The following ABLIM1 variants were observed in gnomAD, a reference collection of about 807,000 sequenced individuals.
ABLIM1 encodes actin-binding LIM protein 1.
Under a neutral mutation model 107.0 loss-of-function variants are expected in ABLIM1, and 40 were observed. That is an observed-to-expected ratio of 0.37 (90% CI 0.29 to 0.49). ABLIM1 has a LOEUF of 0.49. Ranked by LOEUF, ABLIM1 falls within the 20% of genes least tolerant of loss-of-function variation. The pLI, the probability that ABLIM1 is intolerant of heterozygous loss-of-function variation, is 0.97. For synonymous variants in ABLIM1, 357 were observed against 357.3 expected (o/e 1.00, Z 0.01); for missense variants, 857 against 1,008.5 (o/e 0.85, Z 2.04).
intron 21 of ABLIM1, among the ~76,000 whole-genome samples, chr10:114,438,411 C>T (rs1304272101): frequency 1.3e-5 from 2 of 152,122 alleles, no homozygotes; most frequent in Non-Finnish European, 2.9e-5. Flanking sequence ...AGGCACATGT[C>T]GTCATGCCAA....
chr10:114,731,347 G>T (rs1372615151), intron 1 of ABLIM1, among the ~76,000 whole-genome samples: 3 of 151,962 alleles, frequency 2.0e-5, no homozygotes, highest in Non-Finnish European at 4.4e-5. Flanking sequence ...TCACCATGTT[G>T]CCCAGGCTAG....
upstream of ABLIM1, among the ~76,000 whole-genome samples, chr10:114,687,728 C>A (rs1211886539): frequency 6.6e-6 from 1 of 152,114 alleles, no homozygotes; most frequent in Admixed American, 6.5e-5. Context: ...TTCAGAGGGC[C>A]TTGGCCTCAT....
chr10:114,785,778 G>C, the ABLIM1 span, among the ~76,000 whole-genome samples: 1 of 152,200 alleles, frequency 6.6e-6, no homozygotes, highest in Non-Finnish European at 1.5e-5. Flanking sequence ...GCCCAGGCTA[G>C]AGTGCAGTGG....
chr10:114,482,008 T>C (rs1326016056), intron 8 of ABLIM1, among the ~76,000 whole-genome samples: 3 of 152,196 alleles, frequency 2.0e-5, no homozygotes, highest in African/African-American at 7.2e-5. Flanking sequence ...AAGAAAAAAG[T>C]CACACCCATT....
intron 1 of ABLIM1, chr10:114,690,333 G>A (rs2081047576): frequency 2.5e-6 from 4 of 1,602,124 alleles, no homozygotes; most frequent in Non-Finnish European, 3.4e-6. Flanking sequence ...GTTGGGTCCA[G>A]CATTTGCCAT....
intron 1 of ABLIM1, among the ~76,000 whole-genome samples, chr10:114,758,012 C>G (rs1168972863): frequency 6.6e-6 from 1 of 152,110 alleles, no homozygotes. Context: ...AAACTCTTTA[C>G]CAGATATCTT....
chr10:114,710,714 A>G (rs1231191524), intron 1 of ABLIM1, among the ~76,000 whole-genome samples: 1 of 152,134 alleles, frequency 6.6e-6, no homozygotes, highest in Non-Finnish European at 1.5e-5. Flanking sequence ...ACAGGAGGTC[A>G]AGGCTGCAAT....
At chr10:114,687,193 T>C (rs1270953394), upstream of ABLIM1, among the ~76,000 whole-genome samples, 1 of 152,200 alleles carries the variant, frequency 6.6e-6, no homozygotes, top group Non-Finnish European at 1.5e-5. Context: ...TGTATTAATA[T>C]GCAAGTGTGC....
chr10:114,775,812 C>T, the ABLIM1 span: 1 of 152,032 alleles, frequency 6.6e-6, no homozygotes, highest in Non-Finnish European at 1.5e-5. Flanking sequence ...ACTATTTTAC[C>T]CAAAAAAATC....
intron 1 of ABLIM1, among the ~76,000 whole-genome samples, chr10:114,683,062 A>T (rs936756158): frequency 2.0e-5 from 3 of 152,232 alleles, no homozygotes; most frequent in Admixed American, 6.5e-5. Flanking sequence ...TAAATGTATC[A>T]GGAATACACG....
rs535557770 is a variant in ABLIM1 at position 114,742,007 on chromosome 10, C to T, written c.-213+26054G>A. On this transcript the variant is annotated intron_variant, in intron 1 of 15. Coordinates refer to the ABLIM1 transcript ENST00000651092. ...GGAAAACCATAACAAAACATAAGTA[C>T]AGAATAATTACCTTTTTGTCAATTA... 3.9e-4 allele frequency among the ~76,000 whole-genome samples: 59 copies of T among 152,248 alleles called. 1 individual carries two copies. In the South Asian group the frequency reaches 9.3e-3, roughly 24 times the overall value.
chr10:114,676,099 T>C (rs903925967), intron 1 of ABLIM1, among the ~76,000 whole-genome samples: 18 of 152,146 alleles, frequency 1.2e-4, no homozygotes, highest in Non-Finnish European at 7.4e-5. Context: ...ATTCAATGCA[T>C]AACCAGAAGA....
At chr10:114,447,797 C>T in intron 15 of ABLIM1, 83 bp downstream of exon 15, 4 of 1,555,650 alleles carry the variant, frequency 2.6e-6, no homozygotes, top group South Asian at 1.2e-5. Context: ...TAATAGGATA[C>T]ATTTTCTTTC....
chr10:114,798,561 C>CCA, the ABLIM1 span, among the ~76,000 whole-genome samples: 4 of 143,334 alleles, frequency 2.8e-5, no homozygotes, highest in African/African-American at 1.1e-4. Flanking sequence ...ATGAGACCCC[C>CCA]CCCCCATGTC....
chr10:114,788,066 C>A, the ABLIM1 span, among the ~76,000 whole-genome samples: 1 of 150,516 alleles, frequency 6.6e-6, no homozygotes, highest in African/African-American at 2.4e-5. Flanking sequence ...GTGCTGTGTC[C>A]ACTCAGGGTT....
chr10:114,684,257 T>C (rs1239528589), intron 1 of ABLIM1: 13 of 1,609,168 alleles, frequency 8.1e-6, no homozygotes, highest in Non-Finnish European at 1.1e-5. Flanking sequence ...CCAGACAGAA[T>C]ATATGCTGAC....
intron 6 of ABLIM1, among the ~76,000 whole-genome samples, chr10:114,498,577 T>G (rs2059990472): frequency 6.6e-6 from 1 of 152,198 alleles, no homozygotes; most frequent in Admixed American, 6.5e-5. Flanking sequence ...TCTCTAGGAG[T>G]GCTCTACTTG....
chr10:114,781,701 T>C, the ABLIM1 span, among the ~76,000 whole-genome samples: 2 of 147,604 alleles, frequency 1.4e-5, no homozygotes, highest in Non-Finnish European at 3.0e-5. Context: ...TAATGCACCA[T>C]CCTTCTACTT....
At chr10:114,480,938 T>G (rs2057271684) in intron 8 of ABLIM1, among the ~76,000 whole-genome samples, 1 of 152,172 alleles carries the variant, frequency 6.6e-6, no homozygotes, top group Admixed American at 6.5e-5. Flanking sequence ...TACAAATAAG[T>G]AGCCAAATGC....
Sources: allele counts gnomAD v4.1 joint callset (sites outside exome capture counted in the v4.1 genomes callset), GRCh38; gene constraint gnomAD v4.1.1; transcripts MANE v1.5; gene names NCBI Gene and HGNC (gene_info 2026-07-23, HGNC 2026-07-21).